The following PAX5 variants were observed in gnomAD, a reference collection of about 807,000 sequenced individuals.
PAX5 encodes the protein paired box 5.
In PAX5, 9 loss-of-function variants were observed where a neutral mutation model predicts 43.7. That is an observed-to-expected ratio of 0.21 (90% CI 0.12 to 0.36). The LOEUF is 0.36. Among genes scored for constraint, PAX5 ranks in the 10% least tolerant of loss-of-function variants. The probability of loss-of-function intolerance (pLI) is 1.00; values close to 1 mark genes in which losing one functional copy is unlikely to be tolerated. For missense variants in PAX5, 383 were observed against 532.7 expected, an observed-to-expected ratio of 0.72 and a Z score of 2.77; for synonymous variants, 228 against 214.3, an observed-to-expected ratio of 1.06 and a Z score of -0.56.
chr9:36,969,363 C>T (rs1247248218), intron 5 of PAX5, among the ~76,000 whole-genome samples: 6 of 152,130 alleles, frequency 3.9e-5, no homozygotes, highest in African/African-American at 1.5e-4. Flanking sequence ...TGATCCCTCT[C>T]CCCCGGGACT....
intron 6 of PAX5, among the ~76,000 whole-genome samples, chr9:36,949,448 T>C (rs1416155411): frequency 1.3e-5 from 2 of 152,200 alleles, no homozygotes; most frequent in Non-Finnish European, 2.9e-5. Context: ...AAATAATAAC[T>C]TTGTACACAA....
chr9:36,873,619 G>A (rs1825677062), intron 8 of PAX5, among the ~76,000 whole-genome samples: 1 of 152,210 alleles, frequency 6.6e-6, no homozygotes, highest in Non-Finnish European at 1.5e-5. Flanking sequence ...GGAAGTTAGT[G>A]TTAAGAACAA....
At chr9:37,026,237 A>G (rs1840346665) in intron 1 of PAX5, among the ~76,000 whole-genome samples, 1 of 152,322 alleles carries the variant, frequency 6.6e-6, no homozygotes, top group African/African-American at 2.4e-5. Flanking sequence ...GGAGCCCTCT[A>G]CGGGTCCAAG....
At chr9:36,954,037 A>G (rs903284201) in intron 6 of PAX5, among the ~76,000 whole-genome samples, 2 of 152,152 alleles carry the variant, frequency 1.3e-5, no homozygotes, top group African/African-American at 4.8e-5. Context: ...ATGCCACTGT[A>G]CTCCAGCTTG....
intron 3 of PAX5, among the ~76,000 whole-genome samples, chr9:37,012,583 G>A (rs968072039): frequency 3.9e-5 from 6 of 152,176 alleles, no homozygotes; most frequent in Non-Finnish European, 8.8e-5. Flanking sequence ...AAACATCAGC[G>A]GGCCCGTGAT....
rs10663927 is a variant in PAX5 at position 36,984,435 on chromosome 9, C to CTT, written c.605-17713_605-17712dup. Among the ~76,000 whole-genome samples, 292 of 66,830 alleles carry CTT rather than the reference C, an allele frequency of 4.4e-3. 2 individuals are homozygous for CTT. Among genetic ancestry groups the CTT allele is most frequent in the Non-Finnish European group, 4.8e-3 (190 of 39,258 alleles). 43.8% of individuals were successfully genotyped at this position (66,830 alleles called of 152,430 possible). The stretch of plus-strand genomic sequence containing the variant: ...GCCCTGGATTGGTTATTGAACCTCT[C>CTT]TTTTTTTTTTTTTTTTTTTTTTGAG... On this transcript the variant is annotated intron_variant, in intron 5 of 9. Transcript: ENST00000358127.
intron 6 of PAX5, among the ~76,000 whole-genome samples, chr9:36,948,144 G>A (rs977579962): frequency 7.2e-5 from 11 of 152,218 alleles, no homozygotes; most frequent in African/African-American, 2.7e-4. Flanking sequence ...TGCTGAGTGA[G>A]GGGGAGCAAA....
At chr9:36,952,568 T>C (rs1157267262) in intron 6 of PAX5, among the ~76,000 whole-genome samples, 1 of 152,208 alleles carries the variant, frequency 6.6e-6, no homozygotes. Context: ...CTCCTCTTCT[T>C]CCTTCTCTGG....
intron 6 of PAX5, among the ~76,000 whole-genome samples, chr9:36,934,796 G>A (rs767510843): frequency 2.6e-5 from 4 of 152,230 alleles, no homozygotes; most frequent in Non-Finnish European, 4.4e-5. Flanking sequence ...CCCCCAGCTA[G>A]AGTGTGAGCT....
intron 8 of PAX5, among the ~76,000 whole-genome samples, chr9:36,881,782 G>C (rs1322798128): frequency 6.6e-6 from 1 of 152,056 alleles, no homozygotes; most frequent in Non-Finnish European, 1.5e-5. Flanking sequence ...TTGAGTGACA[G>C]TCAAAGACCC....
chr9:36,940,059 C>G (rs1831916311), intron 6 of PAX5, among the ~76,000 whole-genome samples: 1 of 152,202 alleles, frequency 6.6e-6, no homozygotes, highest in Admixed American at 6.5e-5. Context: ...ATTTATTGCC[C>G]GGCGCTGCCT....
In PAX5 at chr9:36,906,246, T is replaced by C. The variant is rs138063057; in HGVS notation, c.910+17109A>G. On this transcript the variant is annotated intron_variant, in intron 7 of 9. Transcript: ENST00000358127. Reference sequence around the variant, plus strand: ...AAGGGACTTTGCAGATGTGATTAAATTGAGGTATTTGCGATGTGGAGAGCG... The same window carrying C: ...AAGGGACTTTGCAGATGTGATTAAACTGAGGTATTTGCGATGTGGAGAGCG... 2.5e-3 allele frequency among the ~76,000 whole-genome samples: 377 copies of C among 152,248 alleles called. 1 individual carries two copies. The highest frequency in any genetic ancestry group is 4.3e-3 in the Non-Finnish European group (293 of 68,022).
chr9:36,922,121 C>CTCT (rs1045011482), intron 7 of PAX5, among the ~76,000 whole-genome samples: 4 of 152,210 alleles, frequency 2.6e-5, no homozygotes, highest in Admixed American at 2.6e-4. Context: ...TAGGGCCCCT[C>CTCT]TCTTCTGCCT....
At chr9:36,866,855 G>A (rs965445039) in intron 8 of PAX5, among the ~76,000 whole-genome samples, 1 of 152,034 alleles carries the variant, frequency 6.6e-6, no homozygotes, top group Non-Finnish European at 1.5e-5. Context: ...AACACACAAC[G>A]GCCTCTCCGT....
Position 36,916,653 on chromosome 9 carries a change from A to G in PAX5, c.910+6702T>C, listed in dbSNP as rs555139909. 4.6e-5 allele frequency among the ~76,000 whole-genome samples: 7 copies of G among 152,082 alleles called. No homozygotes were observed. In the South Asian group the frequency reaches 1.2e-3, roughly 27 times the overall value. ...AGGTGAGATATATATATATATATTT[A>G]TAGTTATAGTTAGTGGGGTCTTCTC... is the stretch of plus-strand genomic sequence containing the variant. On this transcript the variant is annotated intron_variant, in intron 7 of 9. Transcript: ENST00000358127.
intron 6 of PAX5, among the ~76,000 whole-genome samples, chr9:36,955,196 A>G (rs1268698796): frequency 6.6e-6 from 1 of 151,998 alleles, no homozygotes; most frequent in Non-Finnish European, 1.5e-5. Flanking sequence ...GATTCTTGGA[A>G]TACTCATTTT....
intron 8 of PAX5, among the ~76,000 whole-genome samples, chr9:36,847,279 G>C (rs1168134054): frequency 6.6e-6 from 1 of 152,156 alleles, no homozygotes; most frequent in Non-Finnish European, 1.5e-5. Context: ...TCACAAAATG[G>C]TCTTGATACA....
chr9:36,995,425 C>T (rs749143742), intron 5 of PAX5, among the ~76,000 whole-genome samples: 3 of 152,108 alleles, frequency 2.0e-5, no homozygotes, highest in Admixed American at 6.5e-5. Flanking sequence ...AAGGGAGGCC[C>T]GCGAGAGAAG....
At chr9:36,843,165 G>A (rs1345052942) in intron 9 of PAX5, among the ~76,000 whole-genome samples, 1 of 151,892 alleles carries the variant, frequency 6.6e-6, no homozygotes, top group Non-Finnish European at 1.5e-5. Context: ...TAGGGTTCTC[G>A]CCTGTTCCAC....
Sources: gnomAD v4.1 joint callset for allele counts (sites outside exome capture counted in the v4.1 genomes callset) on GRCh38, gnomAD v4.1.1 for gene constraint, MANE v1.5 for transcripts, NCBI Gene and HGNC (gene_info 2026-07-23, HGNC 2026-07-21) for gene names.